The following STK3 variants were observed in gnomAD, a reference collection of about 807,000 sequenced individuals.
STK3 encodes the protein serine/threonine kinase 3, also known as serine/threonine-protein kinase 3.
In STK3, 41 loss-of-function variants were observed where a neutral mutation model predicts 58.0. The ratio of observed to expected loss-of-function variants is 0.71; its 90% CI spans 0.55 to 0.92. The LOEUF (loss-of-function observed/expected upper bound fraction) is 0.92. Among genes scored for constraint, STK3 ranks in the 40% least tolerant of loss-of-function variants. STK3 has a pLI of 0.00. For synonymous variants in STK3, 170 were observed against 191.0 expected (o/e 0.89, Z 0.91); for missense variants, 479 against 602.7 (o/e 0.79, Z 2.15).
Position 98,563,242 on chromosome 8 carries a change from T to C in STK3, c.949-15081A>G, listed in dbSNP as rs111555138. Among the ~76,000 whole-genome samples, 588 of 152,234 alleles carry C rather than the reference T, an allele frequency of 3.9e-3. 7 individuals carry two copies. The highest frequency in any genetic ancestry group is 0.013 in the African/African-American group (560 of 41,566). ...AACCACTATACATGTATACTGGAGTTGAGAAACTTAGTAAATGAATGATAG... is the reference window on the plus strand; with the variant it reads ...AACCACTATACATGTATACTGGAGTCGAGAAACTTAGTAAATGAATGATAG... On this transcript the variant is annotated intron_variant, in intron 8 of 10. Transcript: ENST00000419617.
chr8:98,464,082 T>C (rs1563627949), intron 10 of STK3, among the ~76,000 whole-genome samples: 2 of 152,134 alleles, frequency 1.3e-5, no homozygotes. Context: ...TTAGTGGCCT[T>C]TGATTAAAAA....
At chr8:98,866,228 T>G (rs1405683887) in intron 3 of STK3, among the ~76,000 whole-genome samples, 1 of 152,252 alleles carries the variant, frequency 6.6e-6, no homozygotes, top group Non-Finnish European at 1.5e-5. Context: ...GTGTTCATTT[T>G]GCAGGGTCAG....
the STK3 span, among the ~76,000 whole-genome samples, chr8:98,362,472 C>A: frequency 2.6e-5 from 4 of 152,152 alleles, no homozygotes; most frequent in African/African-American, 4.8e-5. Flanking sequence ...GTCAAAGCTA[C>A]CCTCCCCAAG....
intron 3 of STK3, among the ~76,000 whole-genome samples, chr8:98,407,031 T>A (rs2131034379): frequency 6.6e-6 from 1 of 152,298 alleles, no homozygotes; most frequent in Admixed American, 6.5e-5. Flanking sequence ...TCCAGTTAAG[T>A]CTTCTGGATT....
intron 6 of STK3, among the ~76,000 whole-genome samples, chr8:98,627,812 G>T (rs542557073): frequency 1.3e-5 from 2 of 152,158 alleles, no homozygotes; most frequent in Non-Finnish European, 2.9e-5. Flanking sequence ...AAATTTTATA[G>T]ATTTAGCTGT....
At chr8:98,727,475 C>G (rs998753706) in intron 4 of STK3, among the ~76,000 whole-genome samples, 2 of 152,164 alleles carry the variant, frequency 1.3e-5, no homozygotes, top group African/African-American at 4.8e-5. Context: ...CTGGCTTAGG[C>G]TGGGTTTTCT....
chr8:98,489,255 T>C (rs1471827123), intron 10 of STK3, among the ~76,000 whole-genome samples: 1 of 152,134 alleles, frequency 6.6e-6, no homozygotes. Flanking sequence ...GAAAACATTC[T>C]AAAGCTCCCA....
the STK3 span, among the ~76,000 whole-genome samples, chr8:98,353,486 G>A: frequency 6.6e-6 from 1 of 151,600 alleles, no homozygotes; most frequent in Middle Eastern, 3.5e-3. Context: ...GTGAGACCCT[G>A]TTTCTAAATA....
chr8:98,561,991 A>AAAAC (rs1050911961), intron 8 of STK3, among the ~76,000 whole-genome samples: 4 of 152,202 alleles, frequency 2.6e-5, no homozygotes, highest in African/African-American at 7.2e-5. Context: ...TTAAAATGCA[A>AAAAC]AAACAAACAA....
intron 1 of STK3, among the ~76,000 whole-genome samples, chr8:98,894,088 A>G (rs1838361472): frequency 6.6e-6 from 1 of 152,202 alleles, no homozygotes; most frequent in Non-Finnish European, 1.5e-5. Flanking sequence ...GCAATACAAA[A>G]ATATCTTCTT....
At chr8:98,422,033 CA>C (rs967757500) in intron 3 of STK3, among the ~76,000 whole-genome samples, 6 of 152,134 alleles carry the variant, frequency 3.9e-5, no homozygotes, top group African/African-American at 1.4e-4. Context: ...GCTCTTCAGA[CA>C]CAACCACACC....
At chr8:98,514,085 C>T (rs867516075) in intron 10 of STK3, among the ~76,000 whole-genome samples, 1 of 152,172 alleles carries the variant, frequency 6.6e-6, no homozygotes, top group Non-Finnish European at 1.5e-5. Context: ...ACCTCTGCCT[C>T]TCTTGTCCTT....
chr8:98,453,369 G>C (rs2131126708), downstream of STK3, among the ~76,000 whole-genome samples: 1 of 152,224 alleles, frequency 6.6e-6, no homozygotes, highest in East Asian at 1.9e-4. Context: ...TTACAGGTGT[G>C]AGCCACTGCA....
rs1371358718 is a variant in STK3, at chr8:98,583,083, T to C, written c.823-3294A>G. On this transcript the variant is annotated intron_variant, in intron 7 of 10. Coordinates refer to ENST00000419617, the MANE Select transcript of STK3 (RefSeq NM_006281.4). ...GATCATGTTATTCATACTATCTTTTTATATTTTATTAAAATTTCATTGCCT... is the reference window on the plus strand; with the variant it reads ...GATCATGTTATTCATACTATCTTTTCATATTTTATTAAAATTTCATTGCCT... Among the ~76,000 whole-genome samples the C allele has an allele frequency of 2.0e-5, 3 of 152,144 alleles. No individual in the cohort carries two copies. In the East Asian group the frequency reaches 5.8e-4, roughly 29 times the overall value.
At chr8:98,925,207 T>C (rs1839742209) in intron 1 of STK3, among the ~76,000 whole-genome samples, 1 of 152,216 alleles carries the variant, frequency 6.6e-6, no homozygotes, top group Admixed American at 6.5e-5. Flanking sequence ...ATTGGTCTCC[T>C]GAAAACCCAT....
intron 6 of STK3, among the ~76,000 whole-genome samples, chr8:98,643,254 A>G (rs1820159475): frequency 6.6e-6 from 1 of 152,132 alleles, no homozygotes; most frequent in Non-Finnish European, 1.5e-5. Context: ...AGCACAATTA[A>G]ACAAAAAATA....
chr8:98,425,084 G>T (rs920832951), intron 3 of STK3, among the ~76,000 whole-genome samples: 4 of 152,188 alleles, frequency 2.6e-5, no homozygotes, highest in African/African-American at 9.7e-5. Flanking sequence ...CTGACACAGG[G>T]ATTATAAATG....
chr8:98,662,406 T>A (rs1166613660), intron 6 of STK3, among the ~76,000 whole-genome samples: 2 of 152,178 alleles, frequency 1.3e-5, no homozygotes, highest in African/African-American at 4.8e-5. Flanking sequence ...CAAATTCTGA[T>A]GTGGAATTCC....
chr8:98,523,941 C>T (rs529949861), intron 10 of STK3, among the ~76,000 whole-genome samples: 2 of 152,264 alleles, frequency 1.3e-5, no homozygotes, highest in African/African-American at 4.8e-5. Context: ...TCCAATGTCA[C>T]GAAGTTTTTC....
Sources: allele counts gnomAD v4.1 joint callset (sites outside exome capture counted in the v4.1 genomes callset), GRCh38; gene constraint gnomAD v4.1.1; transcripts MANE v1.5; gene names NCBI Gene and HGNC (gene_info 2026-07-23, HGNC 2026-07-21).